Variants in ACTR3C observed in about 807,000 individuals in gnomAD.
The protein encoded by ACTR3C is actin related protein 3C.
A neutral mutation model predicts 26.3 loss-of-function variants in ACTR3C; 18 were observed. The ratio of observed to expected loss-of-function variants is 0.68; its 90% CI spans 0.47 to 1.01. The LOEUF is 1.01. Ranked by LOEUF, ACTR3C falls within the 50% of genes least tolerant of loss-of-function variation. The pLI, the probability that ACTR3C is intolerant of heterozygous loss-of-function variation, is 0.00. For missense variants in ACTR3C, 184 were observed against 250.7 expected, an observed-to-expected ratio of 0.73 and a Z score of 1.80; for synonymous variants, 55 against 94.5, an observed-to-expected ratio of 0.58 and a Z score of 2.42.
the ACTR3C span, among the ~76,000 whole-genome samples, chr7:150,031,783 C>T: frequency 6.6e-6 from 1 of 152,104 alleles, no homozygotes; most frequent in Non-Finnish European, 1.5e-5. Context: ...TTCAGTAGGG[C>T]CTGGCCTGTG....
chr7:150,251,776 T>C (rs955566680), intron 6 of ACTR3C, among the ~76,000 whole-genome samples: 4 of 152,126 alleles, frequency 2.6e-5, no homozygotes, highest in Admixed American at 2.6e-4. Context: ...ATACTCAATA[T>C]TACTAAGATA....
At chr7:149,944,903 T>C in the ACTR3C span, among the ~76,000 whole-genome samples, 19 of 151,002 alleles carry the variant, frequency 1.3e-4, no homozygotes, top group Admixed American at 8.0e-4. Context: ...TATAGAGAGG[T>C]GAAAGATGAA....
the ACTR3C span, among the ~76,000 whole-genome samples, chr7:150,003,381 T>C: frequency 6.6e-6 from 1 of 151,914 alleles, no homozygotes; most frequent in African/African-American, 2.4e-5. Flanking sequence ...TGTGTGATGT[T>C]TGTGGTATGT....
chr7:150,256,275 T>C (rs1444942945), intron 6 of ACTR3C, among the ~76,000 whole-genome samples: 3 of 152,264 alleles, frequency 2.0e-5, no homozygotes, highest in Non-Finnish European at 4.4e-5. Context: ...TTATATTCCT[T>C]TGGGTATACA....
chr7:149,958,781 C>T, the ACTR3C span, among the ~76,000 whole-genome samples: 2 of 152,242 alleles, frequency 1.3e-5, no homozygotes, highest in African/African-American at 2.4e-5. Flanking sequence ...AAAAACACCT[C>T]GTTTGCAAAG....
chr7:149,958,956 G>A, the ACTR3C span, among the ~76,000 whole-genome samples: 20 of 152,302 alleles, frequency 1.3e-4, no homozygotes, highest in African/African-American at 4.8e-4. Flanking sequence ...CAGAACATCA[G>A]TGTATTCTTA....
intron 6 of ACTR3C, among the ~76,000 whole-genome samples, chr7:150,265,495 AC>A (rs1563159582): frequency 6.6e-6 from 1 of 152,008 alleles, no homozygotes; most frequent in Non-Finnish European, 1.5e-5. Context: ...GGAGTTAGAG[AC>A]CAGCCTGGCC....
At chr7:150,163,661 G>A in the ACTR3C span, among the ~76,000 whole-genome samples, 432 of 151,728 alleles carry the variant, frequency 2.8e-3, no homozygotes, top group African/African-American at 4.8e-3. Context: ...AAAGCCAGTG[G>A]TATAATTCAG....
At chr7:150,300,145 G>A (rs1261059429) in intron 1 of ACTR3C, among the ~76,000 whole-genome samples, 1 of 152,116 alleles carries the variant, frequency 6.6e-6, no homozygotes, top group East Asian at 1.9e-4. Flanking sequence ...GAGCTCAGGA[G>A]TTTGAGACCA....
At chr7:150,169,903 C>T in the ACTR3C span, among the ~76,000 whole-genome samples, 185 of 150,666 alleles carry the variant, frequency 1.2e-3, 14 homozygotes, top group African/African-American at 4.1e-3. Context: ...TTACTTTCCC[C>T]GTTTTCTTCT....
chr7:150,293,780 A>G (rs545447313), intron 2 of ACTR3C, among the ~76,000 whole-genome samples: 1 of 152,248 alleles, frequency 6.6e-6, no homozygotes, highest in Non-Finnish European at 1.5e-5. Context: ...TACAAATAAT[A>G]CAAAAATTAG....
chr7:150,212,862 G>A, the ACTR3C span, among the ~76,000 whole-genome samples: 1 of 151,632 alleles, frequency 6.6e-6, no homozygotes, highest in Non-Finnish European at 1.5e-5. Context: ...GGCAGTGGGG[G>A]TTTGAGCCCT....
chr7:150,042,415 G>T, the ACTR3C span, among the ~76,000 whole-genome samples: 1 of 140,860 alleles, frequency 7.1e-6, no homozygotes, highest in East Asian at 2.1e-4. Context: ...CAGTCCCCGC[G>T]TCGCGAGGGG....
chr7:149,882,471 G>T, the ACTR3C span, among the ~76,000 whole-genome samples: 7 of 152,266 alleles, frequency 4.6e-5, no homozygotes, highest in Admixed American at 4.6e-4. Flanking sequence ...TCCTTCCCAG[G>T]CAGGGTGGCC....
chr7:150,194,268 A>C, the ACTR3C span, among the ~76,000 whole-genome samples: 2 of 141,476 alleles, frequency 1.4e-5, no homozygotes, highest in South Asian at 4.5e-4. Context: ...ATTTTCTTTT[A>C]TATATTATTA....
chr7:150,258,488 G>A (rs1328206526), intron 6 of ACTR3C, among the ~76,000 whole-genome samples: 552 of 150,704 alleles, frequency 3.7e-3, no homozygotes, highest in African/African-American at 0.013. Context: ...TAGAAATTGT[G>A]GCTAAAGTCC....
At chr7:150,021,863 T>C in the ACTR3C span, among the ~76,000 whole-genome samples, 55 of 151,780 alleles carry the variant, frequency 3.6e-4, no homozygotes, top group Admixed American at 1.4e-3. Context: ...CTTTCTCTAC[T>C]CCTTGGTTGA....
the ACTR3C span, among the ~76,000 whole-genome samples, chr7:150,048,829 C>T: frequency 6.6e-6 from 1 of 152,136 alleles, no homozygotes; most frequent in Non-Finnish European, 1.5e-5. Flanking sequence ...CACAGCCCAG[C>T]TCCCTCCGAA....
At chr7:150,260,502 C>A (rs1213964170) in intron 6 of ACTR3C, among the ~76,000 whole-genome samples, 1 of 152,144 alleles carries the variant, frequency 6.6e-6, no homozygotes, top group Non-Finnish European at 1.5e-5. Context: ...GGTTTCAGTT[C>A]CTAATCCTTT....
Sources: gnomAD v4.1 joint callset for allele counts (sites outside exome capture counted in the v4.1 genomes callset) on GRCh38, gnomAD v4.1.1 for gene constraint, MANE v1.5 for transcripts, NCBI Gene and HGNC (gene_info 2026-07-23, HGNC 2026-07-21) for gene names.